BLTP1: variants seen among roughly 807,000 people sequenced by gnomAD.
BLTP1 encodes fragile site-associated protein.
chr4:122,155,040 C>T, the BLTP1 span: 2 of 565,834 alleles, frequency 3.5e-6, no homozygotes, highest in Non-Finnish European at 4.5e-6. Flanking sequence ...TCATAACTAG[C>T]TATTGAGTAT....
the BLTP1 span, among the ~76,000 whole-genome samples, chr4:122,311,231 A>G: frequency 6.6e-6 from 1 of 152,176 alleles, no homozygotes; most frequent in Non-Finnish European, 1.5e-5. Flanking sequence ...TGAACAAATA[A>G]TTTAGCACCT....
At chr4:122,336,797 C>G in the BLTP1 span, 1 of 1,383,550 alleles carries the variant, frequency 7.2e-7, no homozygotes, top group Non-Finnish European at 9.7e-7. Flanking sequence ...CCTTTCATCT[C>G]ACTCTAGTAT....
At chr4:122,317,464 C>G in the BLTP1 span, among the ~76,000 whole-genome samples, 3 of 152,120 alleles carry the variant, frequency 2.0e-5, no homozygotes, top group Non-Finnish European at 4.4e-5. Flanking sequence ...TGTATCTTCA[C>G]AGGCATATAT....
the BLTP1 span, among the ~76,000 whole-genome samples, chr4:122,157,936 T>C: frequency 3.9e-5 from 6 of 152,166 alleles, no homozygotes; most frequent in African/African-American, 1.4e-4. Context: ...GTGACCATTT[T>C]CCCCTCCCTG....
At chr4:122,299,955 G>A in the BLTP1 span, 1 of 980,096 alleles carries the variant, frequency 1.0e-6, no homozygotes, top group African/African-American at 1.7e-5. Flanking sequence ...AGTGTACAAA[G>A]ACACATATAA....
At chr4:122,281,026 T>A in the BLTP1 span, among the ~76,000 whole-genome samples, 3 of 152,170 alleles carry the variant, frequency 2.0e-5, no homozygotes, top group Non-Finnish European at 4.4e-5. Context: ...GTTTCAGCAC[T>A]CTAGCTATGC....
chr4:122,250,341 T>A, the BLTP1 span: 1 of 1,570,642 alleles, frequency 6.4e-7, no homozygotes, highest in Non-Finnish European at 8.8e-7. Flanking sequence ...TTATAATAAA[T>A]GCTTTTTTTT....
At chr4:122,314,022 A>G in the BLTP1 span, 3 of 956,458 alleles carry the variant, frequency 3.1e-6, no homozygotes, top group South Asian at 9.7e-5. Flanking sequence ...GATATGTACA[A>G]TAAAACATAA....
the BLTP1 span, among the ~76,000 whole-genome samples, chr4:122,296,969 A>G: frequency 2.0e-5 from 3 of 152,200 alleles, no homozygotes; most frequent in Non-Finnish European, 4.4e-5. Flanking sequence ...TAAAAACCCT[A>G]GAAGAAAATC....
chr4:122,281,112 C>T, the BLTP1 span, among the ~76,000 whole-genome samples: 2 of 152,100 alleles, frequency 1.3e-5, no homozygotes, highest in Non-Finnish European at 2.9e-5. Flanking sequence ...ACACAATGCA[C>T]TAAGAACAGT....
the BLTP1 span, among the ~76,000 whole-genome samples, chr4:122,153,559 A>G: frequency 6.6e-6 from 1 of 152,234 alleles, no homozygotes; most frequent in Non-Finnish European, 1.5e-5. Flanking sequence ...AAACCAGGTA[A>G]TCTGACTCGT....
At chr4:122,226,063 C>G in the BLTP1 span, 1 of 152,108 alleles carries the variant, frequency 6.6e-6, no homozygotes, top group East Asian at 1.9e-4. Context: ...ATTCCATTCT[C>G]TGTATGTTTT....
At chr4:122,175,952 C>A in the BLTP1 span, 1 of 978,234 alleles carries the variant, frequency 1.0e-6, no homozygotes. Context: ...AATGTTCAAT[C>A]ATATAATCAG....
At chr4:122,336,405 T>C in the BLTP1 span, 1 of 1,239,946 alleles carries the variant, frequency 8.1e-7, no homozygotes, top group South Asian at 1.7e-5. Context: ...GGGATCTTAT[T>C]ATATAGAAGG....
At chr4:122,170,645 G>C in the BLTP1 span, 1 of 1,561,134 alleles carries the variant, frequency 6.4e-7, no homozygotes, top group African/African-American at 1.4e-5. Flanking sequence ...AAAAACTTTA[G>C]TAATGGATCA....
the BLTP1 span, chr4:122,194,369 T>A: frequency 5.3e-6 from 1 of 190,338 alleles, no homozygotes; most frequent in Non-Finnish European, 9.7e-6. Context: ...GGTCATTTGT[T>A]AAACTTGAAA....
chr4:122,206,894 A>T, the BLTP1 span, among the ~76,000 whole-genome samples: 1 of 151,588 alleles, frequency 6.6e-6, no homozygotes, highest in African/African-American at 2.4e-5. Context: ...AATATATAAA[A>T]TTTCTCTTAT....
the BLTP1 span, chr4:122,152,927 G>A: frequency 1.3e-5 from 12 of 923,032 alleles, no homozygotes; most frequent in Non-Finnish European, 1.6e-5. Flanking sequence ...AGCCTTGCCA[G>A]CTGCACTGGG....
the BLTP1 span, chr4:122,196,784 A>G: frequency 6.6e-7 from 1 of 1,510,270 alleles, no homozygotes; most frequent in Non-Finnish European, 9.1e-7. Flanking sequence ...CTGTTTACCA[A>G]AAATAGGGTA....
Sources: allele counts gnomAD v4.1 joint callset (sites outside exome capture counted in the v4.1 genomes callset), GRCh38; gene constraint gnomAD v4.1.1; transcripts MANE v1.5; gene names NCBI Gene and HGNC (gene_info 2026-07-23, HGNC 2026-07-21).